Variants in HIF3A observed in about 807,000 individuals in gnomAD.
The protein encoded by HIF3A is hypoxia-inducible factor 3-alpha.
A neutral mutation model predicts 67.2 loss-of-function variants in HIF3A; 41 were observed. The ratio of observed to expected loss-of-function variants is 0.61; its 90% CI spans 0.48 to 0.79. The LOEUF is 0.79. Ranked by LOEUF, HIF3A falls within the 30% of genes least tolerant of loss-of-function variation. HIF3A has a pLI of 0.00. For synonymous variants in HIF3A, 356 were observed against 374.8 expected, an observed-to-expected ratio of 0.95 and a Z score of 0.58; for missense variants, 855 against 898.0, an observed-to-expected ratio of 0.95 and a Z score of 0.61.
intron 13 of HIF3A, among the ~76,000 whole-genome samples, chr19:46,333,001 CCTCT>C (rs1359366176): frequency 6.7e-6 from 1 of 149,450 alleles, no homozygotes; most frequent in Non-Finnish European, 1.5e-5. Flanking sequence ...AAAAAAACAA[CCTCT>C]CTCTATATAT....
At chr19:46,313,359 C>T (rs986211377) in intron 8 of HIF3A, 4 of 976,930 alleles carry the variant, frequency 4.1e-6, no homozygotes, top group Admixed American at 1.3e-4. Context: ...ATGTGGCTCA[C>T]ACCTGTAAAT....
intron 8 of HIF3A, chr19:46,320,190 A>T (rs1007238105): frequency 9.3e-5 from 34 of 366,100 alleles, no homozygotes; most frequent in Middle Eastern, 7.7e-4. Flanking sequence ...AGATCGCGCC[A>T]CTGCACTCCA....
At chr19:46,303,769 C>T in intron 1 of HIF3A, 129 bp from the exon 2 acceptor site, 1 of 1,490,316 alleles carries the variant, frequency 6.7e-7, no homozygotes, top group East Asian at 2.4e-5. Context: ...GGCCACACAT[C>T]GAGGCCTGCG....
chr19:46,299,129 C>T (rs966554980), intron 1 of HIF3A, among the ~76,000 whole-genome samples: 5 of 152,256 alleles, frequency 3.3e-5, no homozygotes, highest in Non-Finnish European at 4.4e-5. Flanking sequence ...GGCTGGAACA[C>T]GGAGGAAGGG....
chr19:46,327,461 G>A (rs548970531), intron 11 of HIF3A, among the ~76,000 whole-genome samples: 1 of 152,120 alleles, frequency 6.6e-6, no homozygotes, highest in African/African-American at 2.4e-5. Flanking sequence ...GACTACAGGT[G>A]CCCACTACCA....
At chr19:46,305,866 C>G (rs1208943967) in intron 3 of HIF3A, among the ~76,000 whole-genome samples, 1 of 152,184 alleles carries the variant, frequency 6.6e-6, no homozygotes, top group Non-Finnish European at 1.5e-5. Flanking sequence ...AGCTTGAGTT[C>G]AGGAGTTCAG....
At position 46,331,285 on chromosome 19, in the gene HIF3A, G is replaced by C. The variant is rs1305681622; in HGVS notation, c.1830+12G>C. On this transcript the variant is annotated intron_variant, in intron 13 of 14. Coordinates refer to ENST00000377670, the MANE Select transcript of HIF3A (RefSeq NM_152795.4). The stretch of plus-strand genomic sequence containing the variant: ...TTCCTCTCAGCCTGGTGTGTTGGGG[G>C]ATTAATGGGATTCTCTGGCCCTCAT... 1 of 1,595,588 alleles carries C rather than the reference G, an allele frequency of 6.3e-7. No individual in the cohort carries two copies. Among genetic ancestry groups the C allele is most frequent in the African/African-American group, 1.3e-5 (1 of 74,550 alleles).
At chr19:46,334,554 A>T (rs890135462) in intron 13 of HIF3A, among the ~76,000 whole-genome samples, 2 of 151,826 alleles carry the variant, frequency 1.3e-5, no homozygotes, top group East Asian at 3.9e-4. Context: ...TTTTACTTTT[A>T]TTTTTATTTT....
chr19:46,305,829 C>A (rs904644554), intron 3 of HIF3A, among the ~76,000 whole-genome samples: 1 of 152,188 alleles, frequency 6.6e-6, no homozygotes, highest in African/African-American at 2.4e-5. Context: ...GTAATCCCAG[C>A]ACTTTGAGAG....
intron 8 of HIF3A, among the ~76,000 whole-genome samples, chr19:46,315,733 G>GC (rs2147197479): frequency 6.6e-6 from 1 of 152,094 alleles, no homozygotes; most frequent in Non-Finnish European, 1.5e-5. Flanking sequence ...GGCCAACATG[G>GC]CGAAACACCG....
intron 1 of HIF3A, among the ~76,000 whole-genome samples, chr19:46,299,203 G>T (rs1455347017): frequency 6.6e-6 from 1 of 152,358 alleles, no homozygotes. Flanking sequence ...CCAGGGCTGG[G>T]CATGGGGCCA....
At chr19:46,334,756 AG>A (rs1384044749) in intron 13 of HIF3A, 148 bp from the exon 14 acceptor site, 6 of 553,854 alleles carry the variant, frequency 1.1e-5, no homozygotes, top group Non-Finnish European at 1.9e-5. Flanking sequence ...TATCTTGCCC[AG>A]GCTGGTCTCA....
intron 14 of HIF3A, among the ~76,000 whole-genome samples, chr19:46,337,653 T>A (rs536850759): frequency 3.3e-5 from 5 of 152,202 alleles, no homozygotes; most frequent in Non-Finnish European, 7.3e-5. Flanking sequence ...GGCATTGTGA[T>A]GGCTTTGAAG....
At chr19:46,324,959 CACAT>C (rs1446419780) in intron 10 of HIF3A, among the ~76,000 whole-genome samples, 4 of 128,320 alleles carry the variant, frequency 3.1e-5, no homozygotes, top group Admixed American at 2.3e-4. Flanking sequence ...TATATATATA[CACAT>C]ACACACACAC....
chr19:46,329,609 C>T (rs1971041573), intron 12 of HIF3A, 131 bp downstream of exon 12: 1 of 1,145,528 alleles, frequency 8.7e-7, no homozygotes, highest in African/African-American at 1.6e-5. Flanking sequence ...CCTCGGTGGG[C>T]CCAGCACATG....
Position 46,297,781 on chromosome 19 carries a change from G to A in HIF3A, c.26+679G>A, listed in dbSNP as rs1194377531. ...CAGAGTCACCCCCTTAAATAACAGG[G>A]AAACAAGCTGGACCCACTTCCCAAA... On this transcript the variant is annotated intron_variant, in intron 1 of 14. Transcript: ENST00000377670. This position sits in a 1 kb window ranked among gnomAD's most constrained non-coding sequence, Gnocchi z 4.5. Among the ~76,000 whole-genome samples, 1 of 151,998 alleles carries A rather than the reference G, an allele frequency of 6.6e-6. No homozygotes were observed. Among genetic ancestry groups the A allele is most frequent in the Non-Finnish European group, 1.5e-5 (1 of 67,992 alleles).
chr19:46,313,956 C>G (rs1969705536), intron 8 of HIF3A, among the ~76,000 whole-genome samples: 1 of 152,130 alleles, frequency 6.6e-6, no homozygotes, highest in African/African-American at 2.4e-5. Flanking sequence ...GCCACTGCAC[C>G]CGGCCCATGT....
intron 1 of HIF3A, among the ~76,000 whole-genome samples, chr19:46,300,864 G>A (rs1443629839): frequency 1.7e-4 from 26 of 152,118 alleles, no homozygotes; most frequent in Admixed American, 1.6e-3. Flanking sequence ...GGGTCCCTCC[G>A]CAGCCACCAG....
At chr19:46,306,217 AG>A (rs1968837146) in intron 3 of HIF3A, among the ~76,000 whole-genome samples, 1 of 152,210 alleles carries the variant, frequency 6.6e-6, no homozygotes, top group Admixed American at 6.5e-5. Flanking sequence ...CTTTATCTCC[AG>A]GGCCCCGGGG....
Sources: gnomAD v4.1 joint callset for allele counts (sites outside exome capture counted in the v4.1 genomes callset) on GRCh38, gnomAD v4.1.1 for gene constraint, Gnocchi (gnomAD v3.1) non-coding constraint, MANE v1.5 for transcripts, NCBI Gene and HGNC (gene_info 2026-07-23, HGNC 2026-07-21) for gene names.